The following CUX2 variants were observed in gnomAD, a reference collection of about 807,000 sequenced individuals.
The protein encoded by CUX2 is homeobox protein cut-like 2.
A neutral mutation model predicts 144.8 loss-of-function variants in CUX2; 40 were observed. The ratio of observed to expected loss-of-function variants is 0.28; its 90% CI spans 0.21 to 0.36. The LOEUF (loss-of-function observed/expected upper bound fraction) is 0.36. Among genes scored for constraint, CUX2 ranks in the 10% least tolerant of loss-of-function variants. The pLI, the probability that CUX2 is intolerant of heterozygous loss-of-function variation, is 1.00. For missense variants in CUX2, 1,615 were observed against 1,994.0 expected, an observed-to-expected ratio of 0.81 and a Z score of 3.62; for synonymous variants, 827 against 875.6, an observed-to-expected ratio of 0.94 and a Z score of 0.98.
chr12:111,148,136 A>G (rs1043660577), intron 1 of CUX2, among the ~76,000 whole-genome samples: 1 of 152,210 alleles, frequency 6.6e-6, no homozygotes, highest in Non-Finnish European at 1.5e-5. Context: ...CCAGGTTGCC[A>G]TCGGTGGGTA....
intron 18 of CUX2, among the ~76,000 whole-genome samples, chr12:111,328,150 C>A (rs1468710231): frequency 3.9e-5 from 6 of 152,060 alleles, no homozygotes; most frequent in Non-Finnish European, 5.9e-5. Context: ...GCAGAGCCAC[C>A]CTCACAGCCT....
intron 9 of CUX2, among the ~76,000 whole-genome samples, chr12:111,300,169 G>A (rs1012606482): frequency 2.0e-5 from 3 of 152,208 alleles, no homozygotes; most frequent in Admixed American, 6.6e-5. Context: ...CATCCAGTCT[G>A]GAGTGCATTG....
chr12:111,156,078 G>A (rs982127140), intron 1 of CUX2, among the ~76,000 whole-genome samples: 8 of 152,000 alleles, frequency 5.3e-5, no homozygotes, highest in East Asian at 1.9e-4. Flanking sequence ...TCATTCCACC[G>A]CCCTGATTTG....
rs1011461835 is a variant in CUX2 at position 111,171,613 on chromosome 12, A to G, written c.64-42587A>G. Among the ~76,000 whole-genome samples, 1 of 152,130 alleles carries G rather than the reference A, an allele frequency of 6.6e-6. No individual in the cohort carries two copies. The highest frequency in any genetic ancestry group is 1.5e-5 in the Non-Finnish European group (1 of 68,028). ...ACACATCTGGGGCTATGGGACGGAA[A>G]AGCCCAGAGTGCCCTCTCTGAGGAG... is the stretch of plus-strand genomic sequence containing the variant. On this transcript the variant is annotated intron_variant, in intron 1 of 21. Transcript: ENST00000261726. The surrounding 1 kb of genome is among the most constrained non-coding windows in gnomAD (Gnocchi z 5.0).
intron 4 of CUX2, among the ~76,000 whole-genome samples, chr12:111,280,041 T>C (rs1172188383): frequency 1.3e-5 from 2 of 152,000 alleles, no homozygotes; most frequent in African/African-American, 2.4e-5. Context: ...CCCAGCACTT[T>C]GGGAGGCTGA....
At chr12:111,317,535 CTG>C (rs1406596127) in intron 16 of CUX2, among the ~76,000 whole-genome samples, 2 of 152,152 alleles carry the variant, frequency 1.3e-5, no homozygotes, top group African/African-American at 4.8e-5. Flanking sequence ...TTCCCAATAA[CTG>C]AGATCTGGCA....
At chr12:111,166,548 T>C (rs1255218789) in intron 1 of CUX2, among the ~76,000 whole-genome samples, 1 of 152,258 alleles carries the variant, frequency 6.6e-6, no homozygotes, top group African/African-American at 2.4e-5. Flanking sequence ...CTATGAGGTA[T>C]GAACCCCATG....
chr12:111,306,851 G>A, intron 10 of CUX2, 70 bp from the exon 11 acceptor site: 4 of 1,308,492 alleles, frequency 3.1e-6, no homozygotes, highest in Non-Finnish European at 4.2e-6. Context: ...GGGATTCAGG[G>A]GTGGGGAGGC....
Position 111,331,168 on chromosome 12 carries a change from C to T in CUX2, c.2927-3273C>T, listed in dbSNP as rs983793557. ...AAGACAAGGTGATAGACATTTCTTG[C>T]ACAAGGGGCAATGGGGAGCCATTGA... On this transcript the variant is annotated intron_variant, in intron 18 of 21. Transcript: ENST00000261726. 9.2e-5 allele frequency among the ~76,000 whole-genome samples: 14 copies of T among 151,796 alleles called. No homozygotes were observed. In the East Asian group the frequency reaches 9.7e-4, roughly 11 times the overall value.
At chr12:111,201,858 G>A (rs567449275) in intron 1 of CUX2, among the ~76,000 whole-genome samples, 1 of 152,344 alleles carries the variant, frequency 6.6e-6, no homozygotes, top group African/African-American at 2.4e-5. Context: ...GCAGTGGTTT[G>A]GAGAAGAGTG....
At chr12:111,328,979 CTCT>C (rs140193511) in intron 18 of CUX2, among the ~76,000 whole-genome samples, 1 of 77,674 alleles carries the variant, frequency 1.3e-5, no homozygotes, top group Non-Finnish European at 2.2e-5. Flanking sequence ...CTCTCTCCCC[CTCT>C]CTCCCTCTCT....
intron 19 of CUX2, among the ~76,000 whole-genome samples, chr12:111,335,254 G>A (rs1258115691): frequency 1.3e-5 from 2 of 151,956 alleles, no homozygotes; most frequent in African/African-American, 4.8e-5. Context: ...TTAACCAGGC[G>A]TGGTGGCACA....
At chr12:111,164,446 C>T (rs1171837335) in intron 1 of CUX2, among the ~76,000 whole-genome samples, 1 of 151,838 alleles carries the variant, frequency 6.6e-6, no homozygotes, top group Non-Finnish European at 1.5e-5. Context: ...CGTGGTGGCA[C>T]GTGCTTGTAA....
Position 111,057,140 on chromosome 12 carries a change from G to A in CUX2, c.63+22900G>A, listed in dbSNP as rs561858022. On this transcript the variant is annotated intron_variant, in intron 1 of 21. Coordinates refer to ENST00000261726, the MANE Select transcript of CUX2 (RefSeq NM_015267.4). The surrounding 1 kb of genome is among the most constrained non-coding windows in gnomAD (Gnocchi z 5.1). ...ATGGCCAAGCTGCAATGGTTGTGACGGGAGGTTGTGTGACGAGAGTGAGTA... is the reference window on the plus strand; with the variant it reads ...ATGGCCAAGCTGCAATGGTTGTGACAGGAGGTTGTGTGACGAGAGTGAGTA... Among the ~76,000 whole-genome samples, 24 of 152,038 alleles carry A rather than the reference G, an allele frequency of 1.6e-4. No homozygotes were observed. The highest frequency in any genetic ancestry group is 9.8e-4 in the Admixed American group (15 of 15,274).
intron 1 of CUX2, among the ~76,000 whole-genome samples, chr12:111,167,308 C>T (rs1425280449): frequency 6.6e-6 from 1 of 152,178 alleles, no homozygotes; most frequent in Non-Finnish European, 1.5e-5. Flanking sequence ...ATAAAGTTCA[C>T]ACTCCTTGAC....
At chr12:111,105,439 A>T (rs1873538041) in intron 1 of CUX2, among the ~76,000 whole-genome samples, 1 of 152,022 alleles carries the variant, frequency 6.6e-6, no homozygotes, top group Admixed American at 6.6e-5. Context: ...CAAAGGGGAG[A>T]TGTTTTGAAA....
intron 18 of CUX2, among the ~76,000 whole-genome samples, chr12:111,327,003 G>A (rs545261463): frequency 5.9e-5 from 9 of 152,170 alleles, no homozygotes; most frequent in East Asian, 1.9e-4. Context: ...TGCACAATGC[G>A]TGTGACCATC....
chr12:111,173,949 G>A (rs11837864), intron 1 of CUX2, among the ~76,000 whole-genome samples: 2 of 152,158 alleles, frequency 1.3e-5, no homozygotes, highest in Non-Finnish European at 2.9e-5. Flanking sequence ...GAAACTGCAC[G>A]TACAAAGGTC....
intron 3 of CUX2, among the ~76,000 whole-genome samples, chr12:111,235,420 G>A (rs1004733564): frequency 3.3e-5 from 5 of 152,130 alleles, no homozygotes; most frequent in Admixed American, 2.0e-4. Context: ...GTGCTTTGGA[G>A]CACTTAAGAA....
Sources: allele counts gnomAD v4.1 joint callset (sites outside exome capture counted in the v4.1 genomes callset), GRCh38; gene constraint gnomAD v4.1.1; non-coding constraint Gnocchi (gnomAD v3.1); transcripts MANE v1.5; gene names NCBI Gene and HGNC (gene_info 2026-07-23, HGNC 2026-07-21).